The following ARHGAP10 variants were observed in gnomAD, a reference collection of about 807,000 sequenced individuals.
The protein encoded by ARHGAP10 is Rho GTPase activating protein 10.
ARHGAP10 carries 87 observed loss-of-function variants against 108.6 expected under a neutral mutation model. That is an observed-to-expected ratio of 0.80 (90% CI 0.67 to 0.96). The LOEUF (loss-of-function observed/expected upper bound fraction) is 0.96, where lower values mean the gene tolerates loss of function less well. Ranked by LOEUF, ARHGAP10 falls within the 40% of genes least tolerant of loss-of-function variation. The pLI is 0.00. For missense variants in ARHGAP10, 939 were observed against 954.5 expected (o/e 0.98, Z 0.21); for synonymous variants, 347 against 341.1 (o/e 1.02, Z -0.19).
At chr4:147,760,568 GT>G (rs1219373139) in intron 1 of ARHGAP10, among the ~76,000 whole-genome samples, 1 of 152,118 alleles carries the variant, frequency 6.6e-6, no homozygotes, top group Non-Finnish European at 1.5e-5. Context: ...GGGTTTGTCT[GT>G]CCCCCAAGTC....
intron 7 of ARHGAP10, 140 bp from the exon 8 acceptor site, chr4:147,874,881 A>ATG (rs1734996180): frequency 1.2e-6 from 1 of 852,944 alleles, no homozygotes; most frequent in African/African-American, 1.8e-5. Context: ...ACTGGAAAGA[A>ATG]TGGGGGTATT....
At chr4:147,815,974 A>G (rs865944639) in intron 1 of ARHGAP10, among the ~76,000 whole-genome samples, 10 of 152,224 alleles carry the variant, frequency 6.6e-5, no homozygotes, top group South Asian at 2.1e-4. Flanking sequence ...ATTTGTGGCA[A>G]TTTGTTACTA....
At chr4:147,974,644 T>C (rs890260055) in intron 18 of ARHGAP10, among the ~76,000 whole-genome samples, 1 of 152,208 alleles carries the variant, frequency 6.6e-6, no homozygotes, top group African/African-American at 2.4e-5. Flanking sequence ...GGTACTTCAG[T>C]GTGCTCTGAT....
intron 19 of ARHGAP10, among the ~76,000 whole-genome samples, chr4:148,032,780 A>G (rs1378916342): frequency 6.6e-6 from 1 of 152,090 alleles, no homozygotes; most frequent in African/African-American, 2.4e-5. Flanking sequence ...GTCGGTGACC[A>G]AAAGCCCGAA....
At chr4:147,745,343 T>G (rs1728865275) in intron 1 of ARHGAP10, 1 of 152,226 alleles carries the variant, frequency 6.6e-6, no homozygotes, top group Non-Finnish European at 1.5e-5. Flanking sequence ...AACCCTGTCT[T>G]CAAGCAGGCT....
intron 1 of ARHGAP10, among the ~76,000 whole-genome samples, chr4:147,771,204 G>A (rs553218464): frequency 8.5e-5 from 13 of 152,222 alleles, no homozygotes; most frequent in South Asian, 8.3e-4. Flanking sequence ...AAAGAATCCC[G>A]TGTCTGAATA....
At chr4:147,853,677 C>T (rs528714820) in intron 4 of ARHGAP10, among the ~76,000 whole-genome samples, 1 of 152,156 alleles carries the variant, frequency 6.6e-6, no homozygotes, top group East Asian at 1.9e-4. Context: ...TGTTTCCCTA[C>T]GTTCTTACAT....
intron 14 of ARHGAP10, among the ~76,000 whole-genome samples, chr4:147,945,921 G>A (rs1260768181): frequency 2.0e-5 from 3 of 152,124 alleles, no homozygotes; most frequent in Non-Finnish European, 4.4e-5. Context: ...CATATTGAAC[G>A]CAAGGCCACC....
chr4:147,962,253 C>T (rs1739026894), intron 16 of ARHGAP10, among the ~76,000 whole-genome samples: 1 of 152,178 alleles, frequency 6.6e-6, no homozygotes, highest in Non-Finnish European at 1.5e-5. Flanking sequence ...CCTTCTGACC[C>T]ACTGCTAGTC....
chr4:147,761,961 C>T (rs896762504), intron 1 of ARHGAP10, among the ~76,000 whole-genome samples: 1 of 152,164 alleles, frequency 6.6e-6, no homozygotes, highest in African/African-American at 2.4e-5. Flanking sequence ...ATGCTTACAC[C>T]CAGATCAGAA....
At chr4:147,803,848 T>C (rs1731674313) in intron 1 of ARHGAP10, among the ~76,000 whole-genome samples, 1 of 152,242 alleles carries the variant, frequency 6.6e-6, no homozygotes, top group African/African-American at 2.4e-5. Context: ...TGATGGACAC[T>C]TAAGTTAATT....
intron 1 of ARHGAP10, among the ~76,000 whole-genome samples, chr4:147,745,001 A>G (rs1728848796): frequency 6.6e-6 from 1 of 152,062 alleles, no homozygotes; most frequent in Non-Finnish European, 1.5e-5. Flanking sequence ...GGTAGGTGAA[A>G]GAAGAACTTG....
intron 1 of ARHGAP10, among the ~76,000 whole-genome samples, chr4:147,768,861 C>G (rs749865726): frequency 6.6e-6 from 1 of 151,762 alleles, no homozygotes; most frequent in Non-Finnish European, 1.5e-5. Context: ...TCCTCAGACT[C>G]CCAAGTAGCT....
intron 1 of ARHGAP10, among the ~76,000 whole-genome samples, chr4:147,768,667 A>G (rs1347328523): frequency 1.3e-5 from 2 of 152,150 alleles, no homozygotes; most frequent in African/African-American, 4.8e-5. Flanking sequence ...GAAGCTGAAT[A>G]AATTTGGTGA....
At chr4:147,992,888 C>T (rs894906426) in intron 18 of ARHGAP10, among the ~76,000 whole-genome samples, 2 of 152,084 alleles carry the variant, frequency 1.3e-5, no homozygotes, top group Admixed American at 6.6e-5. Context: ...TATTGTTTTG[C>T]GATGCTCTGG....
chr4:148,066,141 T>G (rs1013640362), intron 22 of ARHGAP10, among the ~76,000 whole-genome samples: 1 of 152,196 alleles, frequency 6.6e-6, no homozygotes, highest in Non-Finnish European at 1.5e-5. Flanking sequence ...TGGGCCTCTG[T>G]CTTGTTTCCC....
chr4:147,811,598 AAAAAC>A (rs1421901576), intron 1 of ARHGAP10, among the ~76,000 whole-genome samples: 3 of 151,910 alleles, frequency 2.0e-5, no homozygotes, highest in Non-Finnish European at 4.4e-5. Context: ...TTTAAAAAAA[AAAAAC>A]AAAAAACAAA....
At chr4:147,773,114 A>T (rs1406922550) in intron 1 of ARHGAP10, among the ~76,000 whole-genome samples, 1 of 152,228 alleles carries the variant, frequency 6.6e-6, no homozygotes, top group Non-Finnish European at 1.5e-5. Context: ...GGGACACTTT[A>T]TATTAAGAAG....
chr4:147,874,957 A>C, intron 7 of ARHGAP10, 64 bp from the exon 8 acceptor site: 1 of 1,424,120 alleles, frequency 7.0e-7, no homozygotes, highest in Non-Finnish European at 9.2e-7. Flanking sequence ...AGAGACTTTA[A>C]AATGTTCATG....
Sources: gnomAD v4.1 joint callset for allele counts (sites outside exome capture counted in the v4.1 genomes callset) on GRCh38, gnomAD v4.1.1 for gene constraint, MANE v1.5 for transcripts, NCBI Gene and HGNC (gene_info 2026-07-23, HGNC 2026-07-21) for gene names.